COX10: variants seen among roughly 807,000 people sequenced by gnomAD.
COX10 encodes the protein cytochrome c oxidase assembly factor heme A:farnesyltransferase COX10.
COX10 carries 27 observed loss-of-function variants against 37.3 expected under a neutral mutation model. The ratio of observed to expected loss-of-function variants is 0.72; its 90% CI spans 0.53 to 1.00. The LOEUF (loss-of-function observed/expected upper bound fraction) is 1.00, where lower values mean the gene tolerates loss of function less well. Among genes scored for constraint, COX10 ranks in the 50% least tolerant of loss-of-function variants. The pLI, the probability that COX10 is intolerant of heterozygous loss-of-function variation, is 0.00. For missense variants in COX10, 475 were observed against 563.2 expected (o/e 0.84, Z 1.59); for synonymous variants, 222 against 229.1 (o/e 0.97, Z 0.28).
In COX10 at chr17:14,069,521, G is replaced by A; in HGVS notation, c.-85G>A. ...GGCCCGGAACTACTCCCACAGGGGG[G>A]CGGGGAAGGAAGATGGCGGCGCCCA... On this transcript the variant is annotated 5_prime_UTR_variant, in exon 1 of 7. Coordinates refer to ENST00000261643, the MANE Select transcript of COX10 (RefSeq NM_001303.4). 1 of 1,531,146 alleles carries A rather than the reference G, an allele frequency of 6.5e-7. No homozygotes were observed. Among genetic ancestry groups the A allele is most frequent in the East Asian group, 2.3e-5 (1 of 43,832 alleles). 94.8% of individuals were successfully genotyped at this position (1,531,146 alleles called of 1,614,324 possible).
At chr17:14,158,786 C>T (rs760975300) in intron 4 of COX10, among the ~76,000 whole-genome samples, 2 of 152,094 alleles carry the variant, frequency 1.3e-5, no homozygotes, top group African/African-American at 2.4e-5. Flanking sequence ...GGAGCATCTC[C>T]GGGGATGGTA....
chr17:14,154,263 G>GTGTA (rs1446906834), intron 4 of COX10, among the ~76,000 whole-genome samples: 1 of 152,208 alleles, frequency 6.6e-6, no homozygotes, highest in Non-Finnish European at 1.5e-5. Context: ...GTTTAACTAT[G>GTGTA]TGTAGGTTCT....
Position 14,102,114 on chromosome 17 carries a change from G to A in COX10, c.500-4G>A, listed in dbSNP as rs377334307. The A allele has an allele frequency of 4.5e-5, 73 of 1,613,358 alleles. No individual in the cohort carries two copies. Among genetic ancestry groups the A allele is most frequent in the Admixed American group, 8.3e-5 (5 of 59,946 alleles). Reference sequence around the variant, plus strand: ...AGTGTGTCTGCTCTGTTTCTGTATCGCAGCTCTGGTTGTAAGTACCACTGC... The same window carrying A: ...AGTGTGTCTGCTCTGTTTCTGTATCACAGCTCTGGTTGTAAGTACCACTGC... On this transcript the variant is annotated splice_region_variant and splice_polypyrimidine_tract_variant and intron_variant, in intron 3 of 6. Coordinates refer to ENST00000261643, the MANE Select transcript of COX10 (RefSeq NM_001303.4).
At chr17:14,193,514 G>C (rs1231865722) in intron 6 of COX10, among the ~76,000 whole-genome samples, 2 of 149,232 alleles carry the variant, frequency 1.3e-5, no homozygotes, top group African/African-American at 4.9e-5. Context: ...GAGCGATGCA[G>C]CCTTGTCCTC....
intron 4 of COX10, among the ~76,000 whole-genome samples, chr17:14,126,501 T>C (rs1015805174): frequency 2.0e-5 from 3 of 152,230 alleles, no homozygotes; most frequent in East Asian, 3.8e-4. Context: ...CTTTGCAGTG[T>C]TCTGACTTTA....
At chr17:14,076,693 T>C (rs766093841) in intron 2 of COX10, 42 bp from the exon 3 acceptor site, 5 of 1,596,334 alleles carry the variant, frequency 3.1e-6, no homozygotes, top group Middle Eastern at 1.7e-4. Flanking sequence ...TTGAGAGCAT[T>C]TGGGGCCTTG....
chr17:14,111,346 G>A (rs1007541844), intron 4 of COX10, among the ~76,000 whole-genome samples: 1 of 152,108 alleles, frequency 6.6e-6, no homozygotes, highest in Non-Finnish European at 1.5e-5. Flanking sequence ...CGGAAACAAC[G>A]ATCACAGGGG....
chr17:14,090,129 C>T (rs969407946), intron 3 of COX10, among the ~76,000 whole-genome samples: 3 of 151,928 alleles, frequency 2.0e-5, no homozygotes, highest in South Asian at 2.1e-4. Context: ...AAGCAGATCT[C>T]CCTCTATCTA....
intron 4 of COX10, among the ~76,000 whole-genome samples, chr17:14,135,905 C>T (rs2142222404): frequency 1.3e-5 from 2 of 151,988 alleles, no homozygotes; most frequent in South Asian, 4.2e-4. Flanking sequence ...AGTGCTCTGT[C>T]AATAGTTGTG....
At chr17:14,134,177 ATGAT>A (rs1046050481) in intron 4 of COX10, among the ~76,000 whole-genome samples, 1 of 151,828 alleles carries the variant, frequency 6.6e-6, no homozygotes, top group Admixed American at 6.6e-5. Flanking sequence ...GGAAAAAGGA[ATGAT>A]TCTTTGTAGT....
At chr17:14,110,120 G>A (rs896805507) in intron 4 of COX10, among the ~76,000 whole-genome samples, 1 of 152,022 alleles carries the variant, frequency 6.6e-6, no homozygotes, top group Non-Finnish European at 1.5e-5. Context: ...TACAAGAAAG[G>A]CACAAAACAT....
chr17:14,183,434 TTC>T (rs1465998237), intron 5 of COX10, among the ~76,000 whole-genome samples: 1 of 152,200 alleles, frequency 6.6e-6, no homozygotes, highest in African/African-American at 2.4e-5. Flanking sequence ...TCAACTCTAT[TTC>T]AGATTGTTCT....
chr17:14,117,972 G>T (rs7222760), intron 4 of COX10, among the ~76,000 whole-genome samples: 1 of 151,768 alleles, frequency 6.6e-6, no homozygotes, highest in South Asian at 2.1e-4. Flanking sequence ...TCGTCTCCCG[G>T]AGTCAGGCCG....
chr17:14,077,266 G>C, intron 3 of COX10: 2 of 562,292 alleles, frequency 3.6e-6, no homozygotes, highest in East Asian at 3.1e-5. Context: ...TGTAAGTATT[G>C]TATTAAAAAT....
chr17:14,126,502 T>A (rs962545293), intron 4 of COX10, among the ~76,000 whole-genome samples: 3 of 152,224 alleles, frequency 2.0e-5, no homozygotes, highest in Non-Finnish European at 4.4e-5. Context: ...TTTGCAGTGT[T>A]CTGACTTTAT....
chr17:14,129,185 T>TA (rs996341431), intron 4 of COX10, among the ~76,000 whole-genome samples: 15 of 150,402 alleles, frequency 1.0e-4, no homozygotes, highest in East Asian at 7.8e-4. Context: ...TTTGCATTAG[T>TA]AAAAAAAAAT....
chr17:14,074,368 A>G lies in COX10; in HGVS notation c.89A>G (p.Gln30Arg). 1.2e-6 allele frequency: 2 copies of G among 1,614,040 alleles called. No homozygotes were observed. The highest frequency in any genetic ancestry group is 8.5e-7 in the Non-Finnish European group (1 of 1,179,908). ...TGGTATCTTGAAAGAAGAACTATAC[A>G]GGACTCCCCTCACAAGTTCTTACAT... is the stretch of plus-strand genomic sequence containing the variant. ...SVWYLERRTI[Q>R]DSPHKFLHLL... Residue 30 changes from glutamine (Q) to arginine (R), a missense_variant, in exon 2 of 7, where the codon CAG becomes CGG. Physicochemically the swap from Gln to Arg is conservative, Grantham distance 43. Coordinates refer to ENST00000261643, the MANE Select transcript of COX10 (RefSeq NM_001303.4).
At chr17:14,204,107 C>T (rs1342019160) in intron 6 of COX10, among the ~76,000 whole-genome samples, 1 of 152,092 alleles carries the variant, frequency 6.6e-6, no homozygotes. Context: ...ACTACAATAT[C>T]ATTACATACT....
chr17:14,202,612 A>T (rs1906577375), intron 6 of COX10, among the ~76,000 whole-genome samples: 1 of 152,036 alleles, frequency 6.6e-6, no homozygotes, highest in Non-Finnish European at 1.5e-5. Context: ...TTCAACTGAG[A>T]TGTCTGTTAT....
Sources: allele counts gnomAD v4.1 joint callset (sites outside exome capture counted in the v4.1 genomes callset), GRCh38; gene constraint gnomAD v4.1.1; transcripts MANE v1.5; gene names NCBI Gene and HGNC (gene_info 2026-07-23, HGNC 2026-07-21).